SEMA5A: variants seen among roughly 807,000 people sequenced by gnomAD.
SEMA5A encodes the protein semaphorin-5A.
Under a neutral mutation model 135.5 loss-of-function variants are expected in SEMA5A, and 55 were observed. The observed-to-expected ratio is 0.41, with a 90% CI of 0.33 to 0.51. The LOEUF is 0.51. Among genes scored for constraint, SEMA5A ranks in the 20% least tolerant of loss-of-function variants. The pLI is 0.37. For synonymous variants in SEMA5A, 580 were observed against 546.5 expected (o/e 1.06, Z -0.85); for missense variants, 1,290 against 1,419.9 (o/e 0.91, Z 1.47).
chr5:9,341,127 A>T (rs1177898237), intron 3 of SEMA5A, among the ~76,000 whole-genome samples: 3 of 151,938 alleles, frequency 2.0e-5, no homozygotes, highest in East Asian at 1.9e-4. Flanking sequence ...CCCCAATAAA[A>T]TGCATAATAA....
chr5:9,349,349 T>C (rs2150746122), intron 3 of SEMA5A, among the ~76,000 whole-genome samples: 1 of 152,338 alleles, frequency 6.6e-6, no homozygotes, highest in African/African-American at 2.4e-5. Flanking sequence ...ATTGAGTACC[T>C]GCTACATAGA....
chr5:9,347,902 G>A (rs1467958427), intron 3 of SEMA5A, among the ~76,000 whole-genome samples: 3 of 152,198 alleles, frequency 2.0e-5, no homozygotes, highest in Admixed American at 1.3e-4. Flanking sequence ...TTACCATCTT[G>A]TAACCAATTG....
At chr5:9,093,434 C>A (rs570743308) in intron 16 of SEMA5A, among the ~76,000 whole-genome samples, 1 of 152,172 alleles carries the variant, frequency 6.6e-6, no homozygotes, top group African/African-American at 2.4e-5. Flanking sequence ...AATGGCCGGG[C>A]GTGGTAGCTC....
At chr5:9,453,065 T>C (rs764116286) in intron 1 of SEMA5A, among the ~76,000 whole-genome samples, 1 of 152,216 alleles carries the variant, frequency 6.6e-6, no homozygotes, top group Non-Finnish European at 1.5e-5. Context: ...AACACGTACT[T>C]TATACCTGTG....
intron 5 of SEMA5A, among the ~76,000 whole-genome samples, chr5:9,300,455 A>T (rs1302481813): frequency 6.6e-6 from 1 of 152,224 alleles, no homozygotes; most frequent in Non-Finnish European, 1.5e-5. Context: ...AAAAGAGGAT[A>T]GTAATTTGGA....
intron 13 of SEMA5A, among the ~76,000 whole-genome samples, chr5:9,127,945 A>C (rs917737489): frequency 2.6e-5 from 4 of 152,226 alleles, no homozygotes; most frequent in Non-Finnish European, 4.4e-5. Context: ...AACCGAATGA[A>C]GACGGAAACA....
chr5:9,243,537 T>A (rs940284462), intron 5 of SEMA5A, among the ~76,000 whole-genome samples: 1 of 152,128 alleles, frequency 6.6e-6, no homozygotes, highest in Non-Finnish European at 1.5e-5. Context: ...CATAAGAGAT[T>A]TGGAGAAACA....
chr5:9,493,677 T>G (rs1227561054), intron 1 of SEMA5A, among the ~76,000 whole-genome samples: 3 of 152,192 alleles, frequency 2.0e-5, no homozygotes, highest in Non-Finnish European at 4.4e-5. Flanking sequence ...TTTTCTCTTC[T>G]TAGAAATGTG....
At chr5:9,541,709 A>G (rs1289493505) in intron 1 of SEMA5A, among the ~76,000 whole-genome samples, 2 of 152,238 alleles carry the variant, frequency 1.3e-5, no homozygotes, top group Non-Finnish European at 2.9e-5. Context: ...AGAAGAAAGA[A>G]GATGACAACA....
chr5:9,525,465 A>G (rs1237519452), intron 1 of SEMA5A, among the ~76,000 whole-genome samples: 1 of 152,252 alleles, frequency 6.6e-6, no homozygotes, highest in African/African-American at 2.4e-5. Context: ...CTAATGAAGA[A>G]AAAAGGCTCT....
At chr5:9,311,111 C>T (rs1240329188) in intron 5 of SEMA5A, among the ~76,000 whole-genome samples, 1 of 150,022 alleles carries the variant, frequency 6.7e-6, no homozygotes, top group Non-Finnish European at 1.5e-5. Context: ...AACGTTGGCA[C>T]TGTTAGCATT....
intron 11 of SEMA5A, among the ~76,000 whole-genome samples, chr5:9,156,611 A>C (rs576811585): frequency 6.6e-6 from 1 of 152,306 alleles, no homozygotes; most frequent in African/African-American, 2.4e-5. Flanking sequence ...GTGAAACAGG[A>C]GCTTTCATAG....
chr5:9,235,460 G>A (rs1020415619), intron 6 of SEMA5A, among the ~76,000 whole-genome samples: 6 of 152,128 alleles, frequency 3.9e-5, no homozygotes, highest in Non-Finnish European at 8.8e-5. Flanking sequence ...TAATGATGAA[G>A]ATGAGAAACC....
At chr5:9,487,836 T>G (rs268521) in intron 1 of SEMA5A, among the ~76,000 whole-genome samples, 1 of 152,102 alleles carries the variant, frequency 6.6e-6, no homozygotes, top group African/African-American at 2.4e-5. Flanking sequence ...TATATATGAA[T>G]GAGCAATTGT....
At chr5:9,136,101 A>G (rs1293029844) in intron 13 of SEMA5A, among the ~76,000 whole-genome samples, 1 of 152,166 alleles carries the variant, frequency 6.6e-6, no homozygotes, top group Non-Finnish European at 1.5e-5. Context: ...TTCTTTTCTC[A>G]TCTTTCCTTA....
intron 2 of SEMA5A, among the ~76,000 whole-genome samples, chr5:9,403,182 C>CAA (rs1756737246): frequency 6.6e-6 from 1 of 152,198 alleles, no homozygotes; most frequent in African/African-American, 2.4e-5. Context: ...TTATTCCTTC[C>CAA]AATTTGCATT....
intron 2 of SEMA5A, among the ~76,000 whole-genome samples, chr5:9,398,844 T>C (rs2126557195): frequency 6.6e-6 from 1 of 152,366 alleles, no homozygotes; most frequent in African/African-American, 2.4e-5. Flanking sequence ...AGAAAGTGGC[T>C]GTGCCAGGAC....
chr5:9,063,681 C>A (rs150469593), intron 17 of SEMA5A, among the ~76,000 whole-genome samples: 31 of 152,324 alleles, frequency 2.0e-4, no homozygotes, highest in Non-Finnish European at 4.0e-4. Context: ...CTGAACACAG[C>A]ACTGAGTGAC....
chr5:9,054,265 G>C lies in SEMA5A; in HGVS notation c.2519-8C>G, dbSNP rs200432205. The C allele has an allele frequency of 4.3e-6, 7 of 1,610,414 alleles. No individual in the cohort carries two copies. In the South Asian group the frequency reaches 7.7e-5, roughly 18 times the overall value. On this transcript the variant is annotated splice_region_variant and splice_polypyrimidine_tract_variant and intron_variant, in intron 18 of 22. Transcript: ENST00000382496. ...AAGACCACACGCCATCCACTGTGAA[G>C]AAACACAATGTCACAGCTCTTCTAT...
Sources: allele counts gnomAD v4.1 joint callset (sites outside exome capture counted in the v4.1 genomes callset), GRCh38; gene constraint gnomAD v4.1.1; transcripts MANE v1.5; gene names NCBI Gene and HGNC (gene_info 2026-07-23, HGNC 2026-07-21).